The following NAPEPLD variants were observed in gnomAD, a reference collection of about 807,000 sequenced individuals.
NAPEPLD encodes N-acyl phosphatidylethanolamine phospholipase D, also known as N-acyl-phosphatidylethanolamine-hydrolyzing phospholipase D.
A neutral mutation model predicts 38.1 loss-of-function variants in NAPEPLD; 23 were observed. The ratio of observed to expected loss-of-function variants is 0.60; its 90% CI spans 0.43 to 0.86. NAPEPLD has a LOEUF of 0.86. Among genes scored for constraint, NAPEPLD ranks in the 40% least tolerant of loss-of-function variants. The pLI, the probability that NAPEPLD is intolerant of heterozygous loss-of-function variation, is 0.00. For missense variants in NAPEPLD, 411 were observed against 476.8 expected (o/e 0.86, Z 1.28); for synonymous variants, 147 against 162.0 (o/e 0.91, Z 0.71).
At chr7:103,123,613 T>C (rs1226287318) in intron 2 of NAPEPLD, among the ~76,000 whole-genome samples, 1 of 152,234 alleles carries the variant, frequency 6.6e-6, no homozygotes, top group African/African-American at 2.4e-5. Flanking sequence ...GTGCTTATTA[T>C]GTGCTAGACA....
intron 1 of NAPEPLD, 23 bp downstream of exon 1, chr7:103,148,788 C>T: frequency 1.0e-6 from 1 of 984,950 alleles, no homozygotes; most frequent in Non-Finnish European, 1.2e-6. Context: ...CATTTACATA[C>T]AACCAAAAGA....
intron 3 of NAPEPLD, among the ~76,000 whole-genome samples, chr7:103,116,868 T>C (rs1230810359): frequency 6.6e-6 from 1 of 152,192 alleles, no homozygotes; most frequent in Non-Finnish European, 1.5e-5. Context: ...TTTACCCCAT[T>C]ATGTGAGGGT....
At chr7:103,132,045 C>T (rs1307320717) in intron 1 of NAPEPLD, among the ~76,000 whole-genome samples, 5 of 152,074 alleles carry the variant, frequency 3.3e-5, no homozygotes, top group African/African-American at 4.8e-5. Context: ...ACCCAGGAGG[C>T]GGAGGTTGCG....
intron 2 of NAPEPLD, among the ~76,000 whole-genome samples, chr7:103,126,396 A>G (rs1585866347): frequency 6.6e-6 from 1 of 152,222 alleles, no homozygotes; most frequent in African/African-American, 2.4e-5. Flanking sequence ...GCTAGTCTAG[A>G]CAAGTAAGAT....
Position 103,103,359 on chromosome 7 carries a change from C to G in NAPEPLD, c.*70G>C. On this transcript the variant is annotated 3_prime_UTR_variant, in exon 5 of 5. Coordinates refer to ENST00000465647, the MANE Select transcript of NAPEPLD (RefSeq NM_001122838.3). ...AAATAATCACAATATTCATGAATTT[C>G]TAAGTCTTTTCATTTGTTTTTAAAC... 1.2e-5 allele frequency: 17 copies of G among 1,442,734 alleles called. No homozygotes were observed. The highest frequency in any genetic ancestry group is 2.9e-5 in the African/African-American group (2 of 69,070). 89.4% of individuals were successfully genotyped at this position (1,442,734 alleles called of 1,614,324 possible).
At chr7:103,147,775 GGGTA>G (rs978226193) in intron 1 of NAPEPLD, among the ~76,000 whole-genome samples, 131 of 152,258 alleles carry the variant, frequency 8.6e-4, no homozygotes, top group Admixed American at 8.4e-3. Context: ...GTGAAAATAA[GGGTA>G]TGAGAAATAC....
chr7:103,105,932 CAAAAAA>C (rs1194781765), intron 4 of NAPEPLD, among the ~76,000 whole-genome samples: 1 of 49,982 alleles, frequency 2.0e-5, no homozygotes, highest in South Asian at 9.5e-4. Context: ...GACTCCGTCT[CAAAAAA>C]AAAAAAAAAA....
intron 2 of NAPEPLD, among the ~76,000 whole-genome samples, chr7:103,124,613 A>G (rs1488743991): frequency 6.6e-6 from 1 of 152,200 alleles, no homozygotes. Flanking sequence ...GAAAGCTGCA[A>G]AATGGAAAAT....
In NAPEPLD at chr7:103,103,515, C is replaced by T; in HGVS notation, c.1096G>A (p.Glu366Lys). ...TCTTCAGCGTTAAGTCCGTATCTCT[C>T]TAGAGCTTCATTCAGCTTCACTGGA... is the stretch of plus-strand genomic sequence containing the variant. ...EPPVKLNEALERYGLNAEDFF... is the reference protein window; with the variant it reads ...EPPVKLNEALKRYGLNAEDFF... Residue 366 changes from glutamate to lysine, a missense_variant, in exon 5 of 5, where the codon GAG becomes AAG. By Grantham distance (56) the Glu-to-Lys change is moderately conservative. Transcript: ENST00000465647. 6.3e-7 allele frequency: 1 copy of T among 1,597,174 alleles called. No individual in the cohort carries two copies. The highest frequency in any genetic ancestry group is 2.3e-5 in the East Asian group (1 of 44,020).
At position 103,128,790 on chromosome 7, in the gene NAPEPLD, G is replaced by C; in HGVS notation, c.-14C>G. 6.3e-7 allele frequency: 1 copy of C among 1,594,402 alleles called. No homozygotes were observed. Among genetic ancestry groups the C allele is most frequent in the Non-Finnish European group, 8.5e-7 (1 of 1,173,634 alleles). ...ATTTTCATCCATGTCCTTTGGTGAA[G>C]AACTAAAAAAAACAAGGGGGAAAAA... On this transcript the variant is annotated splice_region_variant and 5_prime_UTR_variant, in exon 2 of 5. Transcript: ENST00000465647.
intron 4 of NAPEPLD, among the ~76,000 whole-genome samples, chr7:103,103,872 A>T (rs1440844536): frequency 6.6e-6 from 1 of 152,238 alleles, no homozygotes; most frequent in East Asian, 1.9e-4. Flanking sequence ...TCTAGATGGA[A>T]TCAGTGCCAA....
chr7:103,128,248 G>T (rs1020588855), intron 2 of NAPEPLD: 1 of 476,816 alleles, frequency 2.1e-6, no homozygotes, highest in Non-Finnish European at 3.6e-6. Flanking sequence ...TCAGCATCAC[G>T]TTCTTTCCTG....
chr7:103,134,969 G>C (rs1428811065), intron 1 of NAPEPLD, among the ~76,000 whole-genome samples: 1 of 152,128 alleles, frequency 6.6e-6, no homozygotes, highest in Non-Finnish European at 1.5e-5. Context: ...CAACATTTAA[G>C]ATTTGCCAAC....
At chr7:103,123,262 G>A (rs563017444) in intron 2 of NAPEPLD, among the ~76,000 whole-genome samples, 1 of 152,262 alleles carries the variant, frequency 6.6e-6, no homozygotes, top group African/African-American at 2.4e-5. Flanking sequence ...TTTGTCCCAT[G>A]TCTTATGAAA....
At chr7:103,149,562 G>C, upstream of NAPEPLD, 1 of 1,154,284 alleles carries the variant, frequency 8.7e-7, no homozygotes, top group Non-Finnish European at 1.1e-6. Flanking sequence ...GCCTCCTTCA[G>C]GCTGCCTCTC....
intron 1 of NAPEPLD, among the ~76,000 whole-genome samples, chr7:103,136,542 T>C (rs7797372): frequency 0.91 from 136,332 of 149,572 alleles, 63,449 homozygotes; most frequent in East Asian, 1. Flanking sequence ...GCCAAGATTG[T>C]ACCACTGCCC....
chr7:103,108,529 C>G (rs1189356509), intron 4 of NAPEPLD, among the ~76,000 whole-genome samples: 1 of 152,166 alleles, frequency 6.6e-6, no homozygotes, highest in South Asian at 2.1e-4. Context: ...CCTTTACAGA[C>G]AAGCAAATGC....
At position 103,100,464 on chromosome 7, in the gene NAPEPLD, C is replaced by T. The variant is rs1802241624; in HGVS notation, c.*2965G>A. Reference sequence around the variant, plus strand: ...GAAAAGAGGGAGTAATTTTTAACTACCCAGAAAGAAGATGCACAAATACAT... The same window carrying T: ...GAAAAGAGGGAGTAATTTTTAACTATCCAGAAAGAAGATGCACAAATACAT... On this transcript the variant is annotated 3_prime_UTR_variant, in exon 5 of 5. Coordinates refer to ENST00000465647, the MANE Select transcript of NAPEPLD (RefSeq NM_001122838.3). The T allele has an allele frequency of 6.6e-6, 1 of 152,230 alleles. No homozygotes were observed. Among genetic ancestry groups the T allele is most frequent in the African/African-American group, 2.4e-5 (1 of 41,548 alleles). 9.4% of individuals were successfully genotyped at this position (152,230 alleles called of 1,614,324 possible). A position where few individuals can be genotyped will look rare whatever the true frequency, so the allele number is the denominator to read the frequency against.
At chr7:103,141,274 A>T in intron 1 of NAPEPLD, 3 of 255,326 alleles carry the variant, frequency 1.2e-5, no homozygotes, top group Non-Finnish European at 1.4e-5. Context: ...TTGCAAGCAG[A>T]TAAAGGCTTA....
Sources: gnomAD v4.1 joint callset for allele counts (sites outside exome capture counted in the v4.1 genomes callset) on GRCh38, gnomAD v4.1.1 for gene constraint, MANE v1.5 for transcripts, NCBI Gene and HGNC (gene_info 2026-07-23, HGNC 2026-07-21) for gene names.